The following HAUS6 variants were observed in gnomAD, a reference collection of about 807,000 sequenced individuals.
HAUS6 encodes the protein HAUS augmin-like complex subunit 6.
Under a neutral mutation model 106.8 loss-of-function variants are expected in HAUS6, and 80 were observed. The observed-to-expected ratio is 0.75, with a 90% confidence interval of 0.63 to 0.90. The LOEUF (loss-of-function observed/expected upper bound fraction) is 0.90. Among genes scored for constraint, HAUS6 ranks in the 40% least tolerant of loss-of-function variants. HAUS6 has a pLI of 0.00. For synonymous variants in HAUS6, 356 were observed against 379.1 expected (o/e 0.94, Z 0.71); for missense variants, 1,155 against 1,118.1 (o/e 1.03, Z -0.47).
chr9:19,100,109 G>A (rs575226205), intron 1 of HAUS6, among the ~76,000 whole-genome samples: 8 of 152,316 alleles, frequency 5.3e-5, no homozygotes, highest in African/African-American at 9.6e-5. Context: ...GCAGAGAATT[G>A]CTTGAACCAG....
At chr9:19,074,349 G>A (rs1290209894) in intron 11 of HAUS6, among the ~76,000 whole-genome samples, 1 of 152,096 alleles carries the variant, frequency 6.6e-6, no homozygotes, top group East Asian at 1.9e-4. Context: ...ATAGATCATT[G>A]CAGCCTTGAA....
Position 19,087,075 on chromosome 9 carries a change from T to C in HAUS6, c.650+16A>G. 3 of 1,288,726 alleles carry C rather than the reference T, an allele frequency of 2.3e-6. No homozygotes were observed. The African/African-American group carries it at 4.4e-5, about 19-fold the overall frequency. 79.8% of individuals were successfully genotyped at this position (1,288,726 alleles called of 1,614,324 possible). A position where few individuals can be genotyped will look rare whatever the true frequency, so the allele number is the denominator to read the frequency against. On this transcript the variant is annotated intron_variant, in intron 6 of 16. Transcript: ENST00000380502. Reference sequence around the variant, plus strand: ...ACTAGTATCTAAGGCAACTTCTAGCTCTAAAAGTCACTTACTTCTTTATTT... The same window carrying C: ...ACTAGTATCTAAGGCAACTTCTAGCCCTAAAAGTCACTTACTTCTTTATTT...
Position 19,063,082 on chromosome 9 carries a change from T to C in HAUS6, c.1555A>G (p.Ser519Gly), listed in dbSNP as rs1475426715. 7 of 1,609,976 alleles carry C rather than the reference T, an allele frequency of 4.3e-6. No individual in the cohort carries two copies. Among genetic ancestry groups the C allele is most frequent in the Non-Finnish European group, 4.2e-6 (5 of 1,177,552 alleles). ...LSDVAKNTES[S>G]AFGGSLPAKK... ...GCTGGCAAAGACCCTCCAAATGCAC[T>C]ACTCTCTGTATTCTTTGCAACATCT... Residue 519 changes from serine (S) to glycine (G), a missense_variant, in exon 14 of 17, where the codon AGT (serine) becomes GGT (glycine). Physicochemically the swap from Ser to Gly is moderately conservative, Grantham distance 56. Around this residue, in one of 3 missense-constraint regions of HAUS6, gnomAD observed 761 missense variants for 690.0 expected, o/e 1.10. Transcript: ENST00000380502.
chr9:19,078,460 A>C (rs529571312), intron 9 of HAUS6, among the ~76,000 whole-genome samples, 158 bp from the exon 10 acceptor site: 7 of 152,332 alleles, frequency 4.6e-5, no homozygotes, highest in African/African-American at 1.4e-4. Context: ...TCACAGGTGA[A>C]TATTCAGAAC....
intron 11 of HAUS6, 74 bp downstream of exon 11, chr9:19,076,528 A>C: frequency 1.3e-6 from 1 of 750,264 alleles, no homozygotes; most frequent in South Asian, 1.6e-5. Flanking sequence ...AAGGAATTTA[A>C]AGAACTATTA....
At chr9:19,100,102 G>C (rs1817955375) in intron 1 of HAUS6, among the ~76,000 whole-genome samples, 1 of 152,222 alleles carries the variant, frequency 6.6e-6, no homozygotes, top group Admixed American at 6.5e-5. Context: ...GGCTGAGGCA[G>C]AGAATTGCTT....
Position 19,089,482 on chromosome 9 carries a change from C to G in HAUS6, c.514G>C (p.Ala172Pro). 1 of 1,611,174 alleles carries G rather than the reference C, an allele frequency of 6.2e-7. No individual in the cohort carries two copies. The highest frequency in any genetic ancestry group is 8.5e-7 in the Non-Finnish European group (1 of 1,177,446). The change falls in exon 5 of 17, where the codon GCA (alanine) becomes CCA (proline). Residue 172 changes from alanine (A) to proline (P), a missense_variant. Ala to Pro is a conservative substitution (Grantham distance 27, BLOSUM62 -1). Coordinates refer to ENST00000380502, the MANE Select transcript of HAUS6 (RefSeq NM_017645.5). ...LHKCIARCHF[A>P]RSRFLQILQR... is the part of the protein sequence containing the mutation. ...AAAATTTGTAAAAATCTGCTACGTG[C>G]GAAATGGCATCTGGCAATGCATTTG...
At chr9:19,063,315 TTGTA>T (rs1225866861) in intron 13 of HAUS6, 122 bp from the exon 14 acceptor site, 1 of 714,990 alleles carries the variant, frequency 1.4e-6, no homozygotes. Context: ...TATTGTGAAA[TTGTA>T]TGTCACTGGC....
chr9:19,078,384 T>G (rs1319158806), intron 9 of HAUS6, 82 bp from the exon 10 acceptor site: 2 of 778,512 alleles, frequency 2.6e-6, no homozygotes, highest in Admixed American at 5.0e-5. Flanking sequence ...ACAATAGTTG[T>G]AGAGAAGTGG....
At chr9:19,077,711 T>C (rs1837042267) in intron 10 of HAUS6, among the ~76,000 whole-genome samples, 1 of 152,166 alleles carries the variant, frequency 6.6e-6, no homozygotes, top group African/African-American at 2.4e-5. Context: ...ACAACATTTC[T>C]AGGTCATTTG....
At chr9:19,075,960 GAA>G (rs1212966351) in intron 11 of HAUS6, among the ~76,000 whole-genome samples, 1 of 135,718 alleles carries the variant, frequency 7.4e-6, no homozygotes. Context: ...CTCCATCTCG[GAA>G]AAAAAAAAAA....
Position 19,061,943 on chromosome 9 carries a change from T to C in HAUS6, c.1629+1065A>G, listed in dbSNP as rs79737262. Among the ~76,000 whole-genome samples the C allele has an allele frequency of 7.6e-3, 1,155 of 152,322 alleles. 12 individuals carry two copies. The highest frequency in any genetic ancestry group is 0.027 in the African/African-American group (1,106 of 41,566). On this transcript the variant is annotated intron_variant, in intron 14 of 16. Transcript: ENST00000380502. Reference sequence around the variant, plus strand: ...GGGAACTCTAATACCTGAATTAATATCTGCTAAACCAAATTTTTCTTTCAG... The same window carrying C: ...GGGAACTCTAATACCTGAATTAATACCTGCTAAACCAAATTTTTCTTTCAG...
chr9:19,087,745 C>T (rs980763441), intron 5 of HAUS6, among the ~76,000 whole-genome samples: 2 of 146,436 alleles, frequency 1.4e-5, no homozygotes, highest in East Asian at 2.1e-4. Context: ...CTCCCAGCTA[C>T]AGTGGGAAGA....
chr9:19,097,931 C>T (rs1202731160), intron 1 of HAUS6, among the ~76,000 whole-genome samples: 1 of 152,180 alleles, frequency 6.6e-6, no homozygotes, highest in Non-Finnish European at 1.5e-5. Flanking sequence ...TATTCTCTTG[C>T]GTAAGTTCCT....
chr9:19,061,483 G>A (rs533837443), intron 14 of HAUS6, among the ~76,000 whole-genome samples: 1 of 152,176 alleles, frequency 6.6e-6, no homozygotes, highest in Non-Finnish European at 1.5e-5. Context: ...TAGAACTTTA[G>A]AGATTTAAAA....
chr9:19,094,698 C>T (rs1226349804), intron 2 of HAUS6, among the ~76,000 whole-genome samples: 2 of 151,766 alleles, frequency 1.3e-5, no homozygotes, highest in African/African-American at 4.8e-5. Flanking sequence ...AGCTGAGGCA[C>T]GAGTATTGCT....
At chr9:19,070,798 T>C (rs1251724850) in intron 11 of HAUS6, among the ~76,000 whole-genome samples, 2 of 152,196 alleles carry the variant, frequency 1.3e-5, no homozygotes, top group Non-Finnish European at 1.5e-5. Context: ...GAAAGGATAG[T>C]GATGAGTCAA....
intron 1 of HAUS6, among the ~76,000 whole-genome samples, chr9:19,098,577 C>T (rs1440184906): frequency 6.6e-6 from 1 of 152,130 alleles, no homozygotes; most frequent in Non-Finnish European, 1.5e-5. Flanking sequence ...TTCCTACTGC[C>T]ACTTTAGTTC....
At chr9:19,093,123 TA>T in intron 4 of HAUS6, 47 bp downstream of exon 4, 1 of 1,283,598 alleles carries the variant, frequency 7.8e-7, no homozygotes, top group Non-Finnish European at 1.1e-6. Flanking sequence ...TAAAGAACAA[TA>T]AAAATTTAAG....
Sources: gnomAD v4.1 joint callset for allele counts (sites outside exome capture counted in the v4.1 genomes callset) on GRCh38, gnomAD v4.1.1 for gene constraint, gnomAD v4.1.1 regional missense constraint, MANE v1.5 for transcripts, NCBI Gene and HGNC (gene_info 2026-07-23, HGNC 2026-07-21) for gene names.